The following TOX4 variants were observed in gnomAD, a reference collection of about 807,000 sequenced individuals.
TOX4 encodes TOX high mobility group box family member 4, also known as epidermal Langerhans cell protein LCP1.
A neutral mutation model predicts 61.0 loss-of-function variants in TOX4; 12 were observed. That is an observed-to-expected ratio of 0.20 (90% CI 0.13 to 0.32). The LOEUF (loss-of-function observed/expected upper bound fraction) is 0.32. Among genes scored for constraint, TOX4 ranks in the 10% least tolerant of loss-of-function variants. The pLI, the probability that TOX4 is intolerant of heterozygous loss-of-function variation, is 1.00. For synonymous variants in TOX4, 268 were observed against 274.8 expected (o/e 0.98, Z 0.24); for missense variants, 499 against 753.3 (o/e 0.66, Z 3.95).
Position 21,488,571 on chromosome 14 carries a change from G to A in TOX4, c.319-19G>A. The A allele has an allele frequency of 6.2e-7, 1 of 1,605,494 alleles. No homozygotes were observed. Among genetic ancestry groups the A allele is most frequent in the Non-Finnish European group, 8.5e-7 (1 of 1,173,122 alleles). On this transcript the variant is annotated intron_variant, in intron 3 of 8. Transcript: ENST00000448790. Reference sequence around the variant, plus strand: ...TTTTTTTATATTTAGTGTTTAATTAGTCCTTCTGCTTCTCTCAGGACTTGG... The same window carrying A: ...TTTTTTTATATTTAGTGTTTAATTAATCCTTCTGCTTCTCTCAGGACTTGG...
intron 2 of TOX4, among the ~76,000 whole-genome samples, chr14:21,478,702 T>TA (rs376272598): frequency 1.3e-5 from 2 of 152,254 alleles, no homozygotes; most frequent in South Asian, 2.1e-4. Flanking sequence ...CAGTTTTTTT[T>TA]ACCAAGAATT....
chr14:21,484,570 G>A (rs11845803), intron 2 of TOX4, among the ~76,000 whole-genome samples: 54,024 of 101,642 alleles, frequency 0.53, 22,487 homozygotes, highest in Middle Eastern at 0.64. Flanking sequence ...GGCTGGTCTC[G>A]AACTCTTGAC....
rs1273321977 is a variant in TOX4, at chr14:21,486,038, A to G, written c.76-1413A>G. 2.1e-5 allele frequency among the ~76,000 whole-genome samples: 2 copies of G among 94,700 alleles called. 1 individual carries two copies. The highest frequency in any genetic ancestry group is 4.5e-5 in the Non-Finnish European group (2 of 44,054). 62.1% of individuals were successfully genotyped at this position (94,700 alleles called of 152,430 possible). A position where few individuals can be genotyped will look rare whatever the true frequency, so the allele number is the denominator to read the frequency against. Reference sequence around the variant, plus strand: ...CAACACAGGGAGAGCTCGTCTCCACAAAAAATTTTAAAAATTAGCTGGGTG... The same window carrying G: ...CAACACAGGGAGAGCTCGTCTCCACGAAAAATTTTAAAAATTAGCTGGGTG... On this transcript the variant is annotated intron_variant, in intron 2 of 8. Coordinates refer to ENST00000448790, the MANE Select transcript of TOX4 (RefSeq NM_014828.4).
intron 8 of TOX4, chr14:21,496,075 G>A (rs1891392205): frequency 6.5e-6 from 1 of 154,886 alleles, no homozygotes; most frequent in Admixed American, 6.3e-5. Flanking sequence ...GCCGGGCATG[G>A]TGGCAGGCAC....
intron 2 of TOX4, chr14:21,482,444 A>G (rs1306859663): frequency 2.5e-6 from 1 of 396,712 alleles, no homozygotes; most frequent in African/African-American, 2.1e-5. Flanking sequence ...AATAGATTGT[A>G]TGTTTTGGGA....
At chr14:21,489,988 C>A (rs546545297) in intron 5 of TOX4, among the ~76,000 whole-genome samples, 1 of 151,346 alleles carries the variant, frequency 6.6e-6, no homozygotes, top group Non-Finnish European at 1.5e-5. Context: ...TCGAGACCAT[C>A]CTGGGCAACA....
At chr14:21,494,289 T>G (rs940856271) in intron 7 of TOX4, among the ~76,000 whole-genome samples, 1 of 152,186 alleles carries the variant, frequency 6.6e-6, no homozygotes, top group Non-Finnish European at 1.5e-5. Context: ...ATTTAATTGG[T>G]TCATACCGTT....
chr14:21,483,523 A>T (rs1003381701), intron 2 of TOX4, among the ~76,000 whole-genome samples: 3 of 151,892 alleles, frequency 2.0e-5, no homozygotes, highest in African/African-American at 7.3e-5. Flanking sequence ...CAATAACAAA[A>T]ATTATGGGCC....
intron 2 of TOX4, among the ~76,000 whole-genome samples, chr14:21,478,583 G>A (rs1891050369): frequency 6.6e-6 from 1 of 152,200 alleles, no homozygotes; most frequent in Non-Finnish European, 1.5e-5. Flanking sequence ...AAAAGAGAAT[G>A]GTGGAACAGA....
chr14:21,488,598 C>T lies in TOX4; in HGVS notation c.327C>T (p.Asp109=), dbSNP rs1594428097. Residue 109 remains aspartate (D), a synonymous_variant, in exon 4 of 9, where the codon GAC becomes GAT. Coordinates refer to ENST00000448790, the MANE Select transcript of TOX4 (RefSeq NM_014828.4). ...LLSGGLTMDL[D]HSIGTQYSAN... ...CCTTCTGCTTCTCTCAGGACTTGGA[C>T]CACTCTATAGGAACTCAGTATAGTG... The T allele has an allele frequency of 1.9e-6, 3 of 1,613,734 alleles. No individual in the cohort carries two copies. Among genetic ancestry groups the T allele is most frequent in the Non-Finnish European group, 2.5e-6 (3 of 1,179,732 alleles).
intron 8 of TOX4, chr14:21,496,332 C>T (rs1566487128): frequency 4.8e-6 from 2 of 418,934 alleles, no homozygotes; most frequent in Admixed American, 4.0e-5. Context: ...TCAAGACCAT[C>T]CTGGCTAACA....
At chr14:21,490,204 G>A (rs975019034) in intron 5 of TOX4, among the ~76,000 whole-genome samples, 6 of 151,248 alleles carry the variant, frequency 4.0e-5, no homozygotes, top group East Asian at 2.0e-4. Flanking sequence ...TAGGCCGGGC[G>A]CGGTGGCTCA....
intron 8 of TOX4, 37 bp from the exon 9 acceptor site, chr14:21,496,509 G>A (rs1489993664): frequency 1.3e-6 from 2 of 1,572,362 alleles, no homozygotes; most frequent in Non-Finnish European, 1.7e-6. Context: ...TTCAGTTTGT[G>A]TATAATTCTG....
intron 2 of TOX4, 45 bp downstream of exon 2, chr14:21,477,609 C>CGGTGG: frequency 1.9e-6 from 3 of 1,605,120 alleles, no homozygotes; most frequent in Non-Finnish European, 2.6e-6. Context: ...CCTGAGGCAG[C>CGGTGG]GGTGGGGTAG....
intron 7 of TOX4, among the ~76,000 whole-genome samples, chr14:21,494,464 G>A (rs1566486040): frequency 6.6e-6 from 1 of 151,626 alleles, no homozygotes; most frequent in African/African-American, 2.4e-5. Flanking sequence ...AAAATTAGCT[G>A]GGGCTGGAAG....
Position 21,487,679 on chromosome 14 carries a change from G to T in TOX4, c.304G>T (p.Gly102Trp). ...GGAGCAGGGCGGGGGGCTCCTGAGTGGGGGCTTGACCATGGTAAGGGGCAA... is the reference window on the plus strand; with the variant it reads ...GGAGCAGGGCGGGGGGCTCCTGAGTTGGGGCTTGACCATGGTAAGGGGCAA... ...LMEQGGGLLS[G>W]GLTMDLDHSI... The change falls in exon 3 of 9, where the codon GGG becomes TGG. Residue 102 changes from glycine to tryptophan, a missense_variant. Transcript: ENST00000448790. 6.2e-7 allele frequency: 1 copy of T among 1,612,382 alleles called. No homozygotes were observed. Among genetic ancestry groups the T allele is most frequent in the South Asian group, 1.1e-5 (1 of 91,046 alleles).
At chr14:21,488,978 T>G in intron 4 of TOX4, 128 bp downstream of exon 4, 1 of 1,366,560 alleles carries the variant, frequency 7.3e-7, no homozygotes, top group Non-Finnish European at 9.9e-7. Context: ...GGGTATGGGG[T>G]TCCACCTCCC....
chr14:21,485,923 T>C lies in TOX4; in HGVS notation c.76-1528T>C, dbSNP rs189047164. 9.7e-5 allele frequency among the ~76,000 whole-genome samples: 10 copies of C among 103,244 alleles called. 4 individuals carry two copies. In the East Asian group the frequency reaches 3.6e-3, roughly 37 times the overall value. 67.7% of individuals were successfully genotyped at this position (103,244 alleles called of 152,430 possible). A position where few individuals can be genotyped will look rare whatever the true frequency, so the allele number is the denominator to read the frequency against. On this transcript the variant is annotated intron_variant, in intron 2 of 8. Coordinates refer to ENST00000448790, the MANE Select transcript of TOX4 (RefSeq NM_014828.4). ...GTCATAATAGAAGAACATTTCAGGATCTAGAGGAACCTTGAGGTCTGTAAG... is the reference window on the plus strand; with the variant it reads ...GTCATAATAGAAGAACATTTCAGGACCTAGAGGAACCTTGAGGTCTGTAAG...
At position 21,477,222 on chromosome 14, in the gene TOX4, C is replaced by CCAGTGGGGG; in HGVS notation, c.-55_-47dup. 2 of 1,614,006 alleles carry CCAGTGGGGG rather than the reference C, an allele frequency of 1.2e-6. No homozygotes were observed. Among genetic ancestry groups the CCAGTGGGGG allele is most frequent in the Admixed American group, 1.7e-5 (1 of 60,020 alleles). The stretch of plus-strand genomic sequence containing the variant: ...TGCGGAAGTGACGGCAGTTCCGAGT[C>CCAGTGGGGG]CAGTGGGGGCGGTGGGAGCGATGAG... On this transcript the variant is annotated 5_prime_UTR_variant, in exon 1 of 9. Coordinates refer to ENST00000448790, the MANE Select transcript of TOX4 (RefSeq NM_014828.4).
Sources: allele counts gnomAD v4.1 joint callset (sites outside exome capture counted in the v4.1 genomes callset), GRCh38; gene constraint gnomAD v4.1.1; transcripts MANE v1.5; gene names NCBI Gene and HGNC (gene_info 2026-07-23, HGNC 2026-07-21).